NAA16: variants seen among roughly 807,000 people sequenced by gnomAD.
The protein encoded by NAA16 is NARG1-like protein.
Under a neutral mutation model 110.3 loss-of-function variants are expected in NAA16, and 97 were observed. The ratio of observed to expected loss-of-function variants is 0.88; its 90% CI spans 0.75 to 1.04. NAA16 has a LOEUF of 1.04. Among genes scored for constraint, NAA16 ranks in the 50% least tolerant of loss-of-function variants. The pLI is 0.00. For synonymous variants in NAA16, 372 were observed against 330.6 expected, an observed-to-expected ratio of 1.13 and a Z score of -1.36; for missense variants, 1,017 against 1,005.1, an observed-to-expected ratio of 1.01 and a Z score of -0.16.
intron 8 of NAA16, among the ~76,000 whole-genome samples, chr13:41,333,862 G>T: frequency 6.6e-6 from 1 of 151,476 alleles, no homozygotes; most frequent in South Asian, 2.1e-4. Flanking sequence ...TTATTGTAAA[G>T]TGTGATTTAG....
chr13:41,355,131 GTTTC>G lies in NAA16; in HGVS notation c.1015-9_1015-6del, dbSNP rs770456903. 6 of 1,492,164 alleles carry G rather than the reference GTTTC, an allele frequency of 4.0e-6. No individual in the cohort carries two copies. The highest frequency in any genetic ancestry group is 1.2e-5 in the South Asian group (1 of 81,478). 92.4% of individuals were successfully genotyped at this position (1,492,164 alleles called of 1,614,324 possible). A position where few individuals can be genotyped will look rare whatever the true frequency, so the allele number is the denominator to read the frequency against. ...AGATATTTTTAAATTTTAAAAATAT[GTTTC>G]TTTAACAGGTTTCTATAATCCAGGA... is the stretch of plus-strand genomic sequence containing the variant. On this transcript the variant is annotated splice_polypyrimidine_tract_variant and intron_variant, in intron 9 of 19. Transcript: ENST00000379406.
chr13:41,358,423 A>G lies in NAA16; in HGVS notation c.1207A>G (p.Ser403Gly). 6.2e-7 allele frequency: 1 copy of G among 1,613,246 alleles called. No homozygotes were observed. Among genetic ancestry groups the G allele is most frequent in the Non-Finnish European group, 8.5e-7 (1 of 1,179,198 alleles). The change falls in exon 11 of 20, where the codon AGT becomes GGT. Residue 403 changes from serine to glycine, a missense_variant. By Grantham distance (56) the Ser-to-Gly change is moderately conservative (BLOSUM62 0). Transcript: ENST00000379406. ...ALDYINAAIA[S>G]TPTLIELFYM... Reference sequence around the variant, plus strand: ...GGATTATATTAATGCTGCAATTGCTAGTACTCCAACTCTAATAGAATTATT... The same window carrying G: ...GGATTATATTAATGCTGCAATTGCTGGTACTCCAACTCTAATAGAATTATT...
At chr13:41,353,023 AGAGAATT>A (rs914183715) in intron 9 of NAA16, among the ~76,000 whole-genome samples, 10 of 152,186 alleles carry the variant, frequency 6.6e-5, no homozygotes, top group Middle Eastern at 3.4e-3. Flanking sequence ...AGGCTAAGGC[AGAGAATT>A]GCTTGAACCC....
intron 9 of NAA16, among the ~76,000 whole-genome samples, chr13:41,347,226 AACAAAAAC>A (rs1484074308): frequency 0.015 from 336 of 22,110 alleles, 14 homozygotes; most frequent in African/African-American, 0.082. Flanking sequence ...AAAAAAAAAA[AACAAAAAC>A]AAAAACAAAA....
intron 9 of NAA16, among the ~76,000 whole-genome samples, chr13:41,348,960 T>G (rs2042755923): frequency 6.6e-6 from 1 of 152,224 alleles, no homozygotes; most frequent in African/African-American, 2.4e-5. Flanking sequence ...TTCTATAAAG[T>G]CAGTGGTAAT....
chr13:41,321,430 C>T (rs1420956083), intron 4 of NAA16, among the ~76,000 whole-genome samples: 5 of 152,290 alleles, frequency 3.3e-5, no homozygotes, highest in Middle Eastern at 3.4e-3. Flanking sequence ...TCCCACCTCA[C>T]CCTCCCAAAG....
intron 10 of NAA16, among the ~76,000 whole-genome samples, chr13:41,357,904 G>A (rs2043027151): frequency 6.6e-6 from 1 of 152,166 alleles, no homozygotes; most frequent in Non-Finnish European, 1.5e-5. Context: ...GGTAAGCCAT[G>A]GCAGTTTGGC....
chr13:41,374,862 A>G (rs1566307687), intron 19 of NAA16, 23 bp downstream of exon 19: 3 of 1,417,410 alleles, frequency 2.1e-6, no homozygotes, highest in Non-Finnish European at 3.0e-6. Context: ...TCTTTGGCTG[A>G]TTTATGCTTA....
intron 5 of NAA16, among the ~76,000 whole-genome samples, chr13:41,324,398 CAG>C (rs1302410670): frequency 3.1e-5 from 3 of 97,848 alleles, no homozygotes; most frequent in South Asian, 6.7e-4. Flanking sequence ...TTTTTTGAGA[CAG>C]AGTCTTGATC....
At chr13:41,312,453 A>G (rs1443623517) in intron 1 of NAA16, among the ~76,000 whole-genome samples, 1 of 152,148 alleles carries the variant, frequency 6.6e-6, no homozygotes, top group Non-Finnish European at 1.5e-5. Context: ...TTCCAAGGAG[A>G]AGAGGCAGCA....
intron 15 of NAA16, among the ~76,000 whole-genome samples, chr13:41,370,299 T>G (rs1448692295): frequency 6.6e-6 from 1 of 152,058 alleles, no homozygotes; most frequent in Non-Finnish European, 1.5e-5. Flanking sequence ...AGAAAATCAT[T>G]GAGGAGAAGA....
chr13:41,359,432 C>T (rs1472663190), intron 12 of NAA16, among the ~76,000 whole-genome samples: 1 of 152,184 alleles, frequency 6.6e-6, no homozygotes, highest in African/African-American at 2.4e-5. Flanking sequence ...CCTTTTCCCT[C>T]CTTCACCATC....
intron 14 of NAA16, 115 bp from the exon 15 acceptor site, chr13:41,368,975 T>C (rs968963150): frequency 4.8e-6 from 4 of 826,436 alleles, no homozygotes; most frequent in Non-Finnish European, 7.4e-6. Context: ...GTGGGGGTCA[T>C]GAACCAATCC....
At chr13:41,355,785 C>T (rs2042966327) in intron 10 of NAA16, among the ~76,000 whole-genome samples, 1 of 152,148 alleles carries the variant, frequency 6.6e-6, no homozygotes, top group Non-Finnish European at 1.5e-5. Flanking sequence ...TTGCCTAAGA[C>T]CATGTAGTTA....
chr13:41,347,670 A>G (rs1316214654), intron 9 of NAA16, among the ~76,000 whole-genome samples: 1 of 152,136 alleles, frequency 6.6e-6, no homozygotes, highest in African/African-American at 2.4e-5. Flanking sequence ...ATGGAAATAC[A>G]GTTGATTTTT....
intron 9 of NAA16, among the ~76,000 whole-genome samples, chr13:41,341,919 C>A (rs2042559466): frequency 6.6e-6 from 1 of 151,056 alleles, no homozygotes; most frequent in Non-Finnish European, 1.5e-5. Flanking sequence ...GCAAGCTCCA[C>A]CTCCTGGGTT....
intron 6 of NAA16, 100 bp from the exon 7 acceptor site, chr13:41,328,624 T>G: frequency 1.0e-6 from 1 of 986,246 alleles, no homozygotes. Flanking sequence ...CAGAGTTCTG[T>G]CTTTTTAACC....
rs1486502124 is a variant in NAA16 at position 41,336,767 on chromosome 13, G to A, written c.1014+11G>A. 1.3e-6 allele frequency: 2 copies of A among 1,491,340 alleles called. No homozygotes were observed. Among genetic ancestry groups the A allele is most frequent in the African/African-American group, 1.4e-5 (1 of 71,708 alleles). The allele number at this position is 1,491,340 out of a possible 1,614,324, so 92.4% of individuals were successfully genotyped here. On this transcript the variant is annotated intron_variant, in intron 9 of 19. Transcript: ENST00000379406. ...TACAATACAGAAAAGGTAAAATTTG[G>A]TATTTATTCAGATTTGCTATAGTCT...
intron 9 of NAA16, among the ~76,000 whole-genome samples, chr13:41,342,145 T>C (rs1179527940): frequency 2.8e-5 from 4 of 141,422 alleles, no homozygotes; most frequent in African/African-American, 5.5e-5. Flanking sequence ...CTCTCTCTCT[T>C]TTTTTTTTTT....
Sources: allele counts gnomAD v4.1 joint callset (sites outside exome capture counted in the v4.1 genomes callset), GRCh38; gene constraint gnomAD v4.1.1; transcripts MANE v1.5; gene names NCBI Gene and HGNC (gene_info 2026-07-23, HGNC 2026-07-21).